The following SMCHD1 variants were observed in gnomAD, a reference collection of about 807,000 sequenced individuals.
SMCHD1 encodes structural maintenance of chromosomes flexible hinge domain-containing protein 1.
A neutral mutation model predicts 254.7 loss-of-function variants in SMCHD1; 78 were observed. The observed-to-expected ratio is 0.31, with a 90% CI of 0.26 to 0.37. SMCHD1 has a LOEUF of 0.37. Ranked by LOEUF, SMCHD1 falls within the 10% of genes least tolerant of loss-of-function variation. The pLI is 1.00. For missense variants in SMCHD1, 1,840 were observed against 2,408.1 expected (o/e 0.76, Z 4.94); for synonymous variants, 766 against 794.9 (o/e 0.96, Z 0.61).
intron 17 of SMCHD1, among the ~76,000 whole-genome samples, chr18:2,712,315 C>T (rs543623907): frequency 6.7e-6 from 1 of 149,180 alleles, no homozygotes; most frequent in Admixed American, 6.7e-5. Context: ...GAAGTGTTCT[C>T]TCCTCTTTAA....
intron 5 of SMCHD1, among the ~76,000 whole-genome samples, chr18:2,675,063 G>A (rs370319453): frequency 1.3e-5 from 2 of 152,078 alleles, no homozygotes; most frequent in East Asian, 3.9e-4. Flanking sequence ...GTGTGACATT[G>A]GTCAACTTAC....
intron 3 of SMCHD1, among the ~76,000 whole-genome samples, chr18:2,670,540 A>C (rs779195912): frequency 3.3e-5 from 5 of 152,184 alleles, no homozygotes; most frequent in African/African-American, 9.7e-5. Context: ...TTAAATCCCT[A>C]AGAACAGAAC....
At chr18:2,712,501 G>A (rs563543145) in intron 17 of SMCHD1, among the ~76,000 whole-genome samples, 8 of 152,068 alleles carry the variant, frequency 5.3e-5, no homozygotes, top group African/African-American at 1.7e-4. Flanking sequence ...TTGAAAATAC[G>A]TTTTTGCGGG....
chr18:2,704,000 A>G (rs747685436), intron 13 of SMCHD1, 114 bp downstream of exon 13: 5 of 769,060 alleles, frequency 6.5e-6, no homozygotes, highest in African/African-American at 3.6e-5. Flanking sequence ...TTTTTTTCCC[A>G]TTCTCACATT....
chr18:2,673,450 A>G, intron 4 of SMCHD1, 87 bp downstream of exon 4: 1 of 975,200 alleles, frequency 1.0e-6, no homozygotes, highest in South Asian at 2.4e-5. Context: ...AAATAGAGAT[A>G]AAACTAAAAG....
chr18:2,780,464 TA>T (rs1469821124), intron 44 of SMCHD1, among the ~76,000 whole-genome samples: 1 of 152,114 alleles, frequency 6.6e-6, no homozygotes, highest in Non-Finnish European at 1.5e-5. Flanking sequence ...CATTTTTATA[TA>T]TCCCGAATTA....
chr18:2,770,180 A>G, intron 39 of SMCHD1, 72 bp downstream of exon 39: 3 of 1,466,272 alleles, frequency 2.0e-6, no homozygotes, highest in Non-Finnish European at 2.7e-6. Context: ...CGTGATACAC[A>G]AACAAGCTTC....
intron 17 of SMCHD1, 120 bp downstream of exon 17, chr18:2,708,040 A>T (rs2074560614): frequency 3.7e-6 from 2 of 547,570 alleles, no homozygotes. Context: ...ATTTTATTGA[A>T]GTTAGGAATT....
intron 1 of SMCHD1, among the ~76,000 whole-genome samples, chr18:2,664,049 T>C (rs1203639618): frequency 6.6e-6 from 1 of 152,120 alleles, no homozygotes; most frequent in African/African-American, 2.4e-5. Context: ...AATTTTCTTA[T>C]GAAAACCTTC....
At chr18:2,715,926 T>G (rs1324405533) in intron 17 of SMCHD1, among the ~76,000 whole-genome samples, 1 of 152,228 alleles carries the variant, frequency 6.6e-6, no homozygotes, top group Non-Finnish European at 1.5e-5. Flanking sequence ...GGATCCATCG[T>G]TAGAGAATTA....
intron 25 of SMCHD1, among the ~76,000 whole-genome samples, chr18:2,736,388 CA>C (rs2075249200): frequency 6.6e-6 from 1 of 152,158 alleles, no homozygotes; most frequent in Non-Finnish European, 1.5e-5. Flanking sequence ...GCAGTTACAA[CA>C]CAAACAAAAA....
chr18:2,718,605 G>T lies in SMCHD1; in HGVS notation c.2458+171G>T, dbSNP rs28446296. 0.2 allele frequency among the ~76,000 whole-genome samples: 30,670 copies of T among 152,006 alleles called. 3,310 individuals carry two copies. The highest frequency in any genetic ancestry group is 0.33 in the South Asian group (1,594 of 4,820). Reference sequence around the variant, plus strand: ...GGGTCTCATTCTGTCACCCAGGCTGGAGTGCAGTGGCACAATCTCGGCTCA... The same window carrying T: ...GGGTCTCATTCTGTCACCCAGGCTGTAGTGCAGTGGCACAATCTCGGCTCA... On this transcript the variant is annotated intron_variant, in intron 19 of 47. Coordinates refer to ENST00000320876, the MANE Select transcript of SMCHD1 (RefSeq NM_015295.3). This position sits in a 1 kb window ranked among gnomAD's most constrained non-coding sequence, Gnocchi z 4.6.
chr18:2,748,380 G>GTGTGTGTGTGTGTATATA (rs561439889), intron 30 of SMCHD1, among the ~76,000 whole-genome samples: 10 of 80,248 alleles, frequency 1.2e-4, no homozygotes, highest in African/African-American at 6.2e-4. Context: ...GTGTGTGTGT[G>GTGTGTGTGTGTGTATATA]TGTATATAAA....
At chr18:2,785,756 T>TAAC (rs56780141) in intron 45 of SMCHD1, among the ~76,000 whole-genome samples, 30,756 of 151,522 alleles carry the variant, frequency 0.2, 3,365 homozygotes, top group South Asian at 0.35. Context: ...AAACTTTGTA[T>TAAC]AAACTCTCCA....
chr18:2,802,068 A>G (rs1411603085), intron 47 of SMCHD1, among the ~76,000 whole-genome samples: 1 of 152,156 alleles, frequency 6.6e-6, no homozygotes, highest in Non-Finnish European at 1.5e-5. Flanking sequence ...AATTTTTAAA[A>G]TCTGTAGCTA....
intron 8 of SMCHD1, among the ~76,000 whole-genome samples, chr18:2,696,688 G>T (rs1055256166): frequency 6.6e-6 from 1 of 152,106 alleles, no homozygotes; most frequent in African/African-American, 2.4e-5. Context: ...ATAGACTCTT[G>T]CTGTCTAGTT....
intron 5 of SMCHD1, among the ~76,000 whole-genome samples, chr18:2,688,005 ACT>A (rs1230059570): frequency 3.3e-5 from 5 of 152,038 alleles, no homozygotes; most frequent in Non-Finnish European, 5.9e-5. Flanking sequence ...TGGAAGTGAG[ACT>A]CTCCTTTGCT....
At chr18:2,717,782 T>C (rs1369380830) in intron 17 of SMCHD1, among the ~76,000 whole-genome samples, 5 of 152,218 alleles carry the variant, frequency 3.3e-5, no homozygotes, top group Non-Finnish European at 7.3e-5. Flanking sequence ...CATTTCGGAT[T>C]TGTTCATGAA....
chr18:2,659,999 T>C (rs1319360024), intron 1 of SMCHD1, among the ~76,000 whole-genome samples: 9 of 152,188 alleles, frequency 5.9e-5, no homozygotes. Context: ...AATCATTTTA[T>C]GCACTGCAAG....
Sources: allele counts gnomAD v4.1 joint callset (sites outside exome capture counted in the v4.1 genomes callset), GRCh38; gene constraint gnomAD v4.1.1; non-coding constraint Gnocchi (gnomAD v3.1); transcripts MANE v1.5; gene names NCBI Gene and HGNC (gene_info 2026-07-23, HGNC 2026-07-21).